Variants in UQCRH observed in about 807,000 individuals in gnomAD.
UQCRH encodes the protein ubiquinol-cytochrome c reductase hinge protein, also known as cytochrome b-c1 complex subunit 6, mitochondrial.
A neutral mutation model predicts 16.3 loss-of-function variants in UQCRH; 14 were observed. That is an observed-to-expected ratio of 0.86 (90% CI 0.57 to 1.34). The LOEUF (loss-of-function observed/expected upper bound fraction) is 1.34. UQCRH is among the 40% of genes most tolerant of loss of function. UQCRH has a pLI of 0.00. For synonymous variants in UQCRH, 41 were observed against 41.9 expected (o/e 0.98, Z 0.08); for missense variants, 89 against 111.9 (o/e 0.80, Z 0.92).
At chr1:46,312,326 A>G (rs1056117178) in intron 3 of UQCRH, among the ~76,000 whole-genome samples, 21 of 151,758 alleles carry the variant, frequency 1.4e-4, no homozygotes, top group South Asian at 4.1e-4. Context: ...GCTGGTCTTG[A>G]ACTCCTGACC....
chr1:46,305,828 C>T (rs1237476229), intron 1 of UQCRH, among the ~76,000 whole-genome samples: 1 of 148,026 alleles, frequency 6.8e-6, no homozygotes, highest in Non-Finnish European at 1.5e-5. Context: ...TTTTTTGAGA[C>T]GGAATCTTGC....
At chr1:46,315,385 G>A (rs981158904) in intron 3 of UQCRH, among the ~76,000 whole-genome samples, 6 of 151,776 alleles carry the variant, frequency 4.0e-5, no homozygotes, top group Admixed American at 6.6e-5. Flanking sequence ...CAGAGGTTGC[G>A]GTGAGCCATT....
intron 1 of UQCRH, among the ~76,000 whole-genome samples, chr1:46,308,703 ATG>A (rs775088621): frequency 1.1e-4 from 16 of 152,250 alleles, no homozygotes; most frequent in Admixed American, 3.3e-4. Flanking sequence ...TTAGCCAGGC[ATG>A]TGGCGTGTGC....
chr1:46,306,438 G>A (rs922025298), intron 1 of UQCRH, among the ~76,000 whole-genome samples: 6 of 146,508 alleles, frequency 4.1e-5, no homozygotes, highest in African/African-American at 1.2e-4. Flanking sequence ...GAGTACAGTG[G>A]CGCGATCTCA....
intron 3 of UQCRH, among the ~76,000 whole-genome samples, chr1:46,311,566 G>C (rs2148336233): frequency 6.6e-6 from 1 of 151,308 alleles, no homozygotes; most frequent in South Asian, 2.1e-4. Flanking sequence ...ATCCTCAAAT[G>C]TGTCTAATAT....
intron 1 of UQCRH, among the ~76,000 whole-genome samples, chr1:46,307,030 C>T (rs1261863318): frequency 6.6e-6 from 1 of 152,118 alleles, no homozygotes; most frequent in East Asian, 1.9e-4. Flanking sequence ...TGACCACAGA[C>T]GTGCGCCACC....
chr1:46,310,300 A>G lies in UQCRH; in HGVS notation c.227A>G (p.His76Arg), dbSNP rs772789538. 4.3e-6 allele frequency: 7 copies of G among 1,614,026 alleles called. No individual in the cohort carries two copies. The South Asian group carries it at 6.6e-5, about 15-fold the overall frequency. ...DCTEELFDFL[H>R]ARDHCVAHKL... is the part of the protein sequence containing the mutation. Reference sequence around the variant, plus strand: ...ACGGAGGAGCTCTTTGACTTCTTGCATGCGAGGGACCATTGCGTAAGTCAG... The same window carrying G: ...ACGGAGGAGCTCTTTGACTTCTTGCGTGCGAGGGACCATTGCGTAAGTCAG... The change falls in exon 3 of 4, where the codon CAT (histidine) becomes CGT (arginine). Residue 76 changes from histidine to arginine, a missense_variant. Coordinates refer to ENST00000311672, the MANE Select transcript of UQCRH (RefSeq NM_006004.4).
intron 1 of UQCRH, among the ~76,000 whole-genome samples, chr1:46,308,855 G>A (rs115033750): frequency 0.015 from 2,231 of 152,270 alleles, 44 homozygotes; most frequent in African/African-American, 0.049. Flanking sequence ...AAGCACTTTG[G>A]ATAGTTACGT....
chr1:46,310,524 A>G (rs1454308516), intron 3 of UQCRH, among the ~76,000 whole-genome samples: 2 of 152,222 alleles, frequency 1.3e-5, no homozygotes, highest in African/African-American at 2.4e-5. Flanking sequence ...GTACAGCGGC[A>G]TGATCGTAGC....
At chr1:46,315,856 TC>T (rs895431008) in intron 3 of UQCRH, among the ~76,000 whole-genome samples, 1 of 152,120 alleles carries the variant, frequency 6.6e-6, no homozygotes, top group Non-Finnish European at 1.5e-5. Context: ...CTGTTGATTT[TC>T]CCCCTCCCAC....
At chr1:46,313,616 G>A (rs921169651) in intron 3 of UQCRH, among the ~76,000 whole-genome samples, 9 of 151,896 alleles carry the variant, frequency 5.9e-5, no homozygotes, top group East Asian at 1.9e-4. Flanking sequence ...GCGACAGAGC[G>A]AGACTTCATC....
intron 3 of UQCRH, among the ~76,000 whole-genome samples, chr1:46,314,406 C>T (rs527537787): frequency 6.6e-6 from 1 of 151,756 alleles, no homozygotes; most frequent in East Asian, 1.9e-4. Context: ...CATAGCAGCT[C>T]ATGCCTGTAA....
At chr1:46,314,930 G>A (rs1423662134) in intron 3 of UQCRH, among the ~76,000 whole-genome samples, 1 of 152,180 alleles carries the variant, frequency 6.6e-6, no homozygotes, top group Non-Finnish European at 1.5e-5. Flanking sequence ...CCCAAGATTG[G>A]ACGTTCTAGA....
intron 1 of UQCRH, among the ~76,000 whole-genome samples, chr1:46,308,626 C>T (rs1661414931): frequency 2.0e-5 from 3 of 152,076 alleles, no homozygotes; most frequent in Admixed American, 2.0e-4. Context: ...TGATTGAGCC[C>T]AGGAGTTTGA....
chr1:46,306,990 A>T (rs2148333112), intron 1 of UQCRH, among the ~76,000 whole-genome samples: 1 of 152,192 alleles, frequency 6.6e-6, no homozygotes, highest in Middle Eastern at 3.4e-3. Flanking sequence ...GGCTCAAGGG[A>T]TCCTCCCACC....
At chr1:46,307,247 G>C (rs1661394177) in intron 1 of UQCRH, among the ~76,000 whole-genome samples, 2 of 152,130 alleles carry the variant, frequency 1.3e-5, no homozygotes, top group African/African-American at 4.8e-5. Flanking sequence ...GTTTCACCAT[G>C]GTGGCCGGGC....
At chr1:46,316,454 TGA>T in intron 3 of UQCRH, 96 bp from the exon 4 acceptor site, 1 of 1,521,604 alleles carries the variant, frequency 6.6e-7, no homozygotes. Context: ...AGGGGAGTGG[TGA>T]GAAGAGGGGC....
chr1:46,316,760 G>T lies in UQCRH; in HGVS notation c.*176G>T. 1.2e-6 allele frequency: 1 copy of T among 839,486 alleles called. No homozygotes were observed. Among genetic ancestry groups the T allele is most frequent in the Non-Finnish European group, 1.7e-6 (1 of 584,596 alleles). 52.0% of individuals were successfully genotyped at this position (839,486 alleles called of 1,614,324 possible). ...TCGCAATGATTCCATCTAAATAAAA[G>T]TTCTATGATCTGCAAACCTGCCCGT... On this transcript the variant is annotated 3_prime_UTR_variant, in exon 4 of 4. Coordinates refer to ENST00000311672, the MANE Select transcript of UQCRH (RefSeq NM_006004.4).
chr1:46,316,145 C>G (rs113698901), intron 3 of UQCRH, among the ~76,000 whole-genome samples: 7 of 152,146 alleles, frequency 4.6e-5, no homozygotes, highest in African/African-American at 1.7e-4. Context: ...ACTCATTACC[C>G]TGTAAGTTTC....
Sources: gnomAD v4.1 joint callset for allele counts (sites outside exome capture counted in the v4.1 genomes callset) on GRCh38, gnomAD v4.1.1 for gene constraint, MANE v1.5 for transcripts, NCBI Gene and HGNC (gene_info 2026-07-23, HGNC 2026-07-21) for gene names.